ATP2B4: variants seen among roughly 807,000 people sequenced by gnomAD.
The protein encoded by ATP2B4 is plasma membrane calcium-transporting ATPase 4.
A neutral mutation model predicts 110.3 loss-of-function variants in ATP2B4; 39 were observed. The observed-to-expected ratio is 0.35, with a 90% CI of 0.27 to 0.46. ATP2B4 has a LOEUF of 0.46. ATP2B4 is among the 20% of genes least tolerant of loss of function. The pLI, the probability that ATP2B4 is intolerant of heterozygous loss-of-function variation, is 1.00. For synonymous variants in ATP2B4, 538 were observed against 571.7 expected, an observed-to-expected ratio of 0.94 and a Z score of 0.84; for missense variants, 1,135 against 1,530.9, an observed-to-expected ratio of 0.74 and a Z score of 4.32.
chr1:203,680,139 T>G (rs933112009), intron 1 of ATP2B4, among the ~76,000 whole-genome samples: 1 of 151,940 alleles, frequency 6.6e-6, no homozygotes, highest in Non-Finnish European at 1.5e-5. Context: ...AGACCCTATA[T>G]GCTGGTGGTT....
intron 20 of ATP2B4, among the ~76,000 whole-genome samples, chr1:203,731,907 A>G (rs1388234809): frequency 1.3e-5 from 2 of 149,714 alleles, no homozygotes; most frequent in South Asian, 4.3e-4. Flanking sequence ...AGCTGGGCAC[A>G]GTGGCTCACG....
rs186618786 is a variant in ATP2B4 at position 203,736,646 on chromosome 1, C to T, written c.3310-2900C>T. ...GGCCAGGGCCCCAAAAGAGACATTT[C>T]CCCAAGGTTTTGAGAAATGATGACC... On this transcript the variant is annotated intron_variant, in intron 20 of 20. Transcript: ENST00000357681. 1.5e-3 allele frequency among the ~76,000 whole-genome samples: 232 copies of T among 152,248 alleles called. 2 individuals are homozygous for T. In the East Asian group the frequency reaches 0.027, roughly 18 times the overall value.
intron 4 of ATP2B4, 38 bp from the exon 5 acceptor site, chr1:203,700,168 A>G (rs749989693): frequency 2.6e-5 from 41 of 1,595,686 alleles, no homozygotes; most frequent in Non-Finnish European, 3.2e-5. Context: ...GTCTCTTACT[A>G]TCTCCTTCAC....
Position 203,722,533 on chromosome 1 carries a change from C to A in ATP2B4, c.2868C>A (p.Pro956=). 6.2e-7 allele frequency: 1 copy of A among 1,614,174 alleles called. No homozygotes were observed. Among genetic ancestry groups the A allele is most frequent in the Non-Finnish European group, 8.5e-7 (1 of 1,180,012 alleles). ...SGRKAPLHSP[P]SQHYTIVFNT... ...GGAAGGCACCTCTACATTCACCACC[C>A]AGCCAGCACTATACCATTGTTTTTA... The change falls in exon 18 of 21, where the codon CCC becomes CCA. Residue 956 remains proline, a synonymous_variant. Transcript: ENST00000357681.
intron 1 of ATP2B4, among the ~76,000 whole-genome samples, chr1:203,643,098 A>G (rs1320566794): frequency 6.6e-6 from 1 of 152,164 alleles, no homozygotes; most frequent in African/African-American, 2.4e-5. Flanking sequence ...GCCTCCTGCA[A>G]CTCTCCATCA....
chr1:203,734,303 C>CA (rs540243669), intron 20 of ATP2B4, among the ~76,000 whole-genome samples: 3,842 of 126,036 alleles, frequency 0.03, 59 homozygotes, highest in Non-Finnish European at 0.047. Context: ...GACTCTGTCT[C>CA]AAAAAAAAAA....
Position 203,712,321 on chromosome 1 carries a change from G to A in ATP2B4, c.2211+182G>A, listed in dbSNP as rs139587067. 5.4e-4 allele frequency among the ~76,000 whole-genome samples: 82 copies of A among 152,284 alleles called. 1 individual carries two copies. In the East Asian group the frequency reaches 0.015, roughly 27 times the overall value. On this transcript the variant is annotated intron_variant, in intron 13 of 20. Coordinates refer to ENST00000357681, the MANE Select transcript of ATP2B4 (RefSeq NM_001684.5). Reference sequence around the variant, plus strand: ...ACATTGGGAGTTGCCGGCTGGGCGCGGTAGCTTACTCCTGTAATTCCAGCA... The same window carrying A: ...ACATTGGGAGTTGCCGGCTGGGCGCAGTAGCTTACTCCTGTAATTCCAGCA...
At position 203,709,333 on chromosome 1, in the gene ATP2B4, G is replaced by T; in HGVS notation, c.1590G>T (p.Gln530His). The T allele has an allele frequency of 2.5e-6, 4 of 1,614,186 alleles. No homozygotes were observed. Among genetic ancestry groups the T allele is most frequent in the Non-Finnish European group, 3.4e-6 (4 of 1,180,024 alleles). ...AGAAGGAGGGAGGCCTGCCTCGGCA[G>T]GTGGGCAACAAGACCGAGTGTGCTC... is the stretch of plus-strand genomic sequence containing the variant. Reference protein sequence around the residue: ...PPEKEGGLPRQVGNKTECALL... With the variant: ...PPEKEGGLPRHVGNKTECALL... The change falls in exon 11 of 21, where the codon CAG becomes CAT. Residue 530 changes from glutamine (Q) to histidine (H), a missense_variant. Gln to His is a conservative substitution (Grantham distance 24, BLOSUM62 0). Coordinates refer to ENST00000357681, the MANE Select transcript of ATP2B4 (RefSeq NM_001684.5).
intron 1 of ATP2B4, among the ~76,000 whole-genome samples, chr1:203,647,080 G>A (rs1663823539): frequency 6.6e-6 from 1 of 151,650 alleles, no homozygotes; most frequent in African/African-American, 2.4e-5. Context: ...CCCAAACATA[G>A]TCCAGTGGAA....
intron 1 of ATP2B4, among the ~76,000 whole-genome samples, chr1:203,672,324 C>CTTTTTTTTTTTTTTTTTT (rs57144862): frequency 1.3e-5 from 1 of 79,626 alleles, no homozygotes. Context: ...TGCGGTGGCT[C>CTTTTTTTTTTTTTTTTTT]TTTTTTTTTT....
chr1:203,732,398 T>A (rs1666755973), intron 20 of ATP2B4, among the ~76,000 whole-genome samples: 1 of 152,070 alleles, frequency 6.6e-6, no homozygotes, highest in African/African-American at 2.4e-5. Context: ...AGTAGCATTC[T>A]CGATAGTGGG....
chr1:203,733,479 T>C, intron 20 of ATP2B4: 2 of 1,354,514 alleles, frequency 1.5e-6, no homozygotes, highest in Admixed American at 2.6e-5. Context: ...TAACCAACCA[T>C]GGTTATCTTT....
Position 203,633,311 on chromosome 1 carries a change from C to T in ATP2B4, c.-465+6092C>T, listed in dbSNP as rs143843554. On this transcript the variant is annotated intron_variant, in intron 1 of 20. Coordinates refer to ENST00000357681, the MANE Select transcript of ATP2B4 (RefSeq NM_001684.5). ...GGAAAACTCTGAACAGAAATGCCAA[C>T]GAGGCCAGACACAAGGCCTCACTCT... 4.1e-3 allele frequency among the ~76,000 whole-genome samples: 628 copies of T among 152,260 alleles called. 1 individual carries two copies. The highest frequency in any genetic ancestry group is 7.3e-3 in the Non-Finnish European group (494 of 68,018).
At chr1:203,734,923 G>A (rs1370003187) in intron 20 of ATP2B4, among the ~76,000 whole-genome samples, 2 of 140,082 alleles carry the variant, frequency 1.4e-5, no homozygotes, top group Non-Finnish European at 3.0e-5. Context: ...AGAATCGCTG[G>A]AACCCAGGAG....
At chr1:203,700,090 C>A (rs1392829898) in intron 4 of ATP2B4, 116 bp from the exon 5 acceptor site, 3 of 1,256,056 alleles carry the variant, frequency 2.4e-6, no homozygotes, top group Non-Finnish European at 3.3e-6. Flanking sequence ...CCATTGCTGT[C>A]TAGATAGGGC....
At chr1:203,692,203 G>C (rs1665399729) in intron 2 of ATP2B4, among the ~76,000 whole-genome samples, 1 of 140,584 alleles carries the variant, frequency 7.1e-6, no homozygotes, top group Non-Finnish European at 1.6e-5. Context: ...TTTGAGACAG[G>C]GTCTTGCTCT....
At chr1:203,697,618 C>T (rs1318603083) in intron 2 of ATP2B4, among the ~76,000 whole-genome samples, 2 of 152,220 alleles carry the variant, frequency 1.3e-5, no homozygotes, top group Non-Finnish European at 2.9e-5. Context: ...GAAAGTTCCA[C>T]CCTCTCTAAG....
chr1:203,685,061 C>CT (rs1665139937), intron 2 of ATP2B4, among the ~76,000 whole-genome samples: 1 of 151,890 alleles, frequency 6.6e-6, no homozygotes, highest in Non-Finnish European at 1.5e-5. Context: ...ATTTTGACCA[C>CT]ACTGGTCTCA....
rs372223471 is a variant in ATP2B4 at position 203,682,363 on chromosome 1, C to T, written c.-464-379C>T. Among the ~76,000 whole-genome samples, 60 of 152,248 alleles carry T rather than the reference C, an allele frequency of 3.9e-4. 1 individual carries two copies. The South Asian group carries it at 9.5e-3, about 24-fold the overall frequency. ...TCTTCTCATCTTTTATAGATAAGGTCAGACTAAAGGATCCTGTCACAGGTC... is the reference window on the plus strand; with the variant it reads ...TCTTCTCATCTTTTATAGATAAGGTTAGACTAAAGGATCCTGTCACAGGTC... On this transcript the variant is annotated intron_variant, in intron 1 of 20. Coordinates refer to ENST00000357681, the MANE Select transcript of ATP2B4 (RefSeq NM_001684.5).
Sources: gnomAD v4.1 joint callset for allele counts (sites outside exome capture counted in the v4.1 genomes callset) on GRCh38, gnomAD v4.1.1 for gene constraint, MANE v1.5 for transcripts, NCBI Gene and HGNC (gene_info 2026-07-23, HGNC 2026-07-21) for gene names.